The following RNASEH1 variants were observed in gnomAD, a reference collection of about 807,000 sequenced individuals.
RNASEH1 encodes ribonuclease H1.
A neutral mutation model predicts 34.6 loss-of-function variants in RNASEH1; 27 were observed. That is an observed-to-expected ratio of 0.78 (90% CI 0.58 to 1.08). The LOEUF is 1.08. Ranked by LOEUF, RNASEH1 falls within the 50% of genes least tolerant of loss-of-function variation. RNASEH1 has a pLI of 0.00. For synonymous variants in RNASEH1, 162 were observed against 138.4 expected (o/e 1.17, Z -1.20); for missense variants, 349 against 373.6 (o/e 0.93, Z 0.54).
At chr2:3,536,346 A>C in the RNASEH1 span, among the ~76,000 whole-genome samples, 1 of 152,254 alleles carries the variant, frequency 6.6e-6, no homozygotes, top group Admixed American at 6.5e-5. Context: ...CTTGACAAAG[A>C]CCTTCCCGGA....
rs180947252 is a variant in RNASEH1 at position 3,547,202 on chromosome 2, G to A, written c.774+729C>T. ...GGGTTTGTTTTGTTTTTCTGAGACA[G>A]GGTCTCACTCTGTCGCCCAGGCTAG... On this transcript the variant is annotated intron_variant, in intron 7 of 7. Transcript: ENST00000315212. Among the ~76,000 whole-genome samples the A allele has an allele frequency of 1.1e-3, 173 of 152,244 alleles. 2 individuals are homozygous for A. The highest frequency in any genetic ancestry group is 3.9e-3 in the African/African-American group (162 of 41,538).
chr2:3,552,018 C>A, intron 3 of RNASEH1, 126 bp downstream of exon 3: 1 of 723,968 alleles, frequency 1.4e-6, no homozygotes, highest in South Asian at 2.0e-5. Flanking sequence ...TCTAAATAAT[C>A]TTTACACATA....
chr2:3,533,856 T>C, the RNASEH1 span: 63 of 152,344 alleles, frequency 4.1e-4, no homozygotes, highest in African/African-American at 1.4e-3. Flanking sequence ...CCTCTGATAG[T>C]AGCAGAAGAC....
At chr2:3,556,610 G>A (rs565281921) in intron 2 of RNASEH1, among the ~76,000 whole-genome samples, 179 bp downstream of exon 2, 1 of 152,276 alleles carries the variant, frequency 6.6e-6, no homozygotes, top group African/African-American at 2.4e-5. Flanking sequence ...CCCTAATACT[G>A]TAAGTAATAT....
At chr2:3,539,020 C>T (rs1177341355), downstream of RNASEH1, among the ~76,000 whole-genome samples, 1 of 152,100 alleles carries the variant, frequency 6.6e-6, no homozygotes, top group African/African-American at 2.4e-5. Context: ...AACAATTTGG[C>T]CAATCCATTC....
chr2:3,546,061 T>C (rs1157914492), intron 7 of RNASEH1, among the ~76,000 whole-genome samples, 190 bp from the exon 8 acceptor site: 1 of 152,242 alleles, frequency 6.6e-6, no homozygotes, highest in Non-Finnish European at 1.5e-5. Flanking sequence ...ATGGATGTGA[T>C]TTACGAACAT....
chr2:3,537,755 T>C (rs1209718237), downstream of RNASEH1, among the ~76,000 whole-genome samples: 1 of 151,984 alleles, frequency 6.6e-6, no homozygotes, highest in Non-Finnish European at 1.5e-5. Context: ...AAAATCTTTT[T>C]GGCTGGGCAC....
At chr2:3,549,185 C>A in intron 4 of RNASEH1, 73 bp from the exon 5 acceptor site, 1 of 1,084,564 alleles carries the variant, frequency 9.2e-7, no homozygotes, top group Non-Finnish European at 1.4e-6. Flanking sequence ...TAATGGATAA[C>A]GATAAACTAG....
At chr2:3,552,790 G>A (rs979090136) in intron 2 of RNASEH1, among the ~76,000 whole-genome samples, 2 of 152,068 alleles carry the variant, frequency 1.3e-5, no homozygotes, top group Non-Finnish European at 2.9e-5. Flanking sequence ...TTGAGCCCGG[G>A]TTTGAATCCA....
At chr2:3,548,896 T>C (rs1245230748) in intron 5 of RNASEH1, among the ~76,000 whole-genome samples, 162 bp downstream of exon 5, 1 of 152,212 alleles carries the variant, frequency 6.6e-6, no homozygotes, top group Admixed American at 6.5e-5. Context: ...AAATAAGTTT[T>C]TAGAATTTTT....
At chr2:3,540,676 G>A (rs930440151), downstream of RNASEH1, among the ~76,000 whole-genome samples, 7 of 152,186 alleles carry the variant, frequency 4.6e-5, no homozygotes, top group Admixed American at 3.9e-4. Flanking sequence ...CAAAGTGCTG[G>A]GACTACAGGC....
chr2:3,535,660 T>A, the RNASEH1 span, among the ~76,000 whole-genome samples: 321 of 151,228 alleles, frequency 2.1e-3, 1 homozygote, highest in Non-Finnish European at 3.2e-3. Context: ...GGGGGACACC[T>A]GTGGGTGTGG....
rs1267182550 is a variant in RNASEH1, at chr2:3,550,434, T to C, written c.448A>G (p.Ser150Gly). ...VVVYTDGCCSSNGRRRPRAGI... is the reference protein window; with the variant it reads ...VVVYTDGCCSGNGRRRPRAGI... The stretch of plus-strand genomic sequence containing the variant: ...GCTCGCGGCCTTCTACGCCCATTAC[T>C]GGAGCAGCAGCCATCAGTGTAGACG... Residue 150 changes from serine to glycine, a missense_variant, in exon 4 of 8, where the codon AGT becomes GGT. Around this residue, in one of 2 missense-constraint regions of RNASEH1, gnomAD observed 256 missense variants for 240.7 expected, o/e 1.06. Transcript: ENST00000315212. The C allele has an allele frequency of 2.5e-6, 4 of 1,614,032 alleles. No homozygotes were observed. The African/African-American group carries it at 4.0e-5, about 16-fold the overall frequency.
At chr2:3,555,500 T>A (rs1049012417) in intron 2 of RNASEH1, among the ~76,000 whole-genome samples, 31 of 152,290 alleles carry the variant, frequency 2.0e-4, no homozygotes, top group African/African-American at 7.5e-4. Context: ...GCAAACTAAC[T>A]CTTCAGGGAT....
At chr2:3,539,861 C>T (rs936516214), downstream of RNASEH1, among the ~76,000 whole-genome samples, 1 of 152,216 alleles carries the variant, frequency 6.6e-6, no homozygotes, top group African/African-American at 2.4e-5. Flanking sequence ...TGAACATCAC[C>T]TGAAATCAGG....
At chr2:3,557,615 T>G (rs1484080150) in intron 1 of RNASEH1, 2 of 350,960 alleles carry the variant, frequency 5.7e-6, no homozygotes, top group African/African-American at 2.2e-5. Context: ...GTCAGTTACA[T>G]GCCCTGGGAA....
chr2:3,539,830 C>G (rs1156723751), downstream of RNASEH1, among the ~76,000 whole-genome samples: 1 of 152,176 alleles, frequency 6.6e-6, no homozygotes, highest in Non-Finnish European at 1.5e-5. Context: ...CATCTGTGGC[C>G]CAGACTTGCT....
At chr2:3,536,240 G>A in the RNASEH1 span, among the ~76,000 whole-genome samples, 84 of 152,324 alleles carry the variant, frequency 5.5e-4, no homozygotes, top group South Asian at 0.016. Flanking sequence ...GGCTTTATCT[G>A]GTGAGTCACA....
chr2:3,558,043 G>A, intron 1 of RNASEH1, 90 bp downstream of exon 1: 2 of 1,479,738 alleles, frequency 1.4e-6, no homozygotes, highest in Non-Finnish European at 1.8e-6. Flanking sequence ...GACTCGGACC[G>A]CCAGGCTCCC....
Sources: gnomAD v4.1 joint callset for allele counts (sites outside exome capture counted in the v4.1 genomes callset) on GRCh38, gnomAD v4.1.1 for gene constraint, gnomAD v4.1.1 regional missense constraint, MANE v1.5 for transcripts, NCBI Gene and HGNC (gene_info 2026-07-23, HGNC 2026-07-21) for gene names.